Variants in DNM3 observed in about 807,000 individuals in gnomAD.
DNM3 encodes the protein dynamin-3.
Under a neutral mutation model 101.6 loss-of-function variants are expected in DNM3, and 47 were observed. That is an observed-to-expected ratio of 0.46 (90% CI 0.37 to 0.59). The LOEUF (loss-of-function observed/expected upper bound fraction) is 0.59, where lower values mean the gene tolerates loss of function less well. DNM3 is among the 20% of genes least tolerant of loss of function. DNM3 has a pLI of 0.00. For synonymous variants in DNM3, 385 were observed against 387.9 expected (o/e 0.99, Z 0.09); for missense variants, 849 against 1,085.7 (o/e 0.78, Z 3.06).
chr1:172,090,112 AT>A (rs1328083863), intron 12 of DNM3, among the ~76,000 whole-genome samples: 1 of 152,174 alleles, frequency 6.6e-6, no homozygotes, highest in African/African-American at 2.4e-5. Flanking sequence ...GTCTACAATA[AT>A]TTGTTCAAAG....
At chr1:172,191,167 T>G (rs1394648676) in intron 14 of DNM3, among the ~76,000 whole-genome samples, 1 of 152,230 alleles carries the variant, frequency 6.6e-6, no homozygotes, top group African/African-American at 2.4e-5. Context: ...ATTTAAGTCT[T>G]TTAACCATCT....
chr1:171,946,321 G>C (rs1234497570), intron 2 of DNM3, among the ~76,000 whole-genome samples: 1 of 152,114 alleles, frequency 6.6e-6, no homozygotes, highest in East Asian at 1.9e-4. Flanking sequence ...CAAAGGGGTG[G>C]TTAGAATTTG....
At chr1:172,158,541 T>G (rs1422640276) in intron 14 of DNM3, among the ~76,000 whole-genome samples, 1 of 118,722 alleles carries the variant, frequency 8.4e-6, no homozygotes, top group Non-Finnish European at 1.7e-5. Flanking sequence ...GAAACAAGGT[T>G]GAATAAATGA....
chr1:171,879,871 T>C (rs1429293508), intron 1 of DNM3, among the ~76,000 whole-genome samples: 2 of 152,224 alleles, frequency 1.3e-5, no homozygotes, highest in African/African-American at 2.4e-5. Context: ...CTGTTAGATT[T>C]GCACAAGCAA....
chr1:172,090,623 T>C (rs972716231), intron 12 of DNM3, among the ~76,000 whole-genome samples: 1 of 151,862 alleles, frequency 6.6e-6, no homozygotes, highest in Non-Finnish European at 1.5e-5. Flanking sequence ...TGGAAAAAAA[T>C]ATATACACAA....
chr1:172,088,281 A>G (rs949228368), intron 12 of DNM3, among the ~76,000 whole-genome samples: 1 of 152,198 alleles, frequency 6.6e-6, no homozygotes, highest in African/African-American at 2.4e-5. Flanking sequence ...GAGGTTTCTA[A>G]AAAGGCATAA....
At chr1:172,067,505 T>G (rs2125931229) in intron 10 of DNM3, among the ~76,000 whole-genome samples, 1 of 152,288 alleles carries the variant, frequency 6.6e-6, no homozygotes, top group East Asian at 1.9e-4. Flanking sequence ...CCTCAGTTTC[T>G]GCACGGACTT....
At chr1:172,286,085 TAC>T (rs1491015305) in intron 15 of DNM3, among the ~76,000 whole-genome samples, 2 of 150,778 alleles carry the variant, frequency 1.3e-5, no homozygotes. Context: ...TATATATATA[TAC>T]TATTATCATT....
chr1:172,045,930 T>A (rs2049756535), intron 9 of DNM3, among the ~76,000 whole-genome samples: 1 of 152,192 alleles, frequency 6.6e-6, no homozygotes, highest in Admixed American at 6.5e-5. Context: ...TTATTTGTTG[T>A]TTTAAAATTT....
At chr1:172,308,673 T>C in intron 15 of DNM3, 55 bp from the exon 16 acceptor site, 1 of 929,996 alleles carries the variant, frequency 1.1e-6, no homozygotes, top group Non-Finnish European at 1.5e-6. Context: ...CAACATAAAA[T>C]GACTTTGAAT....
chr1:172,328,658 G>A (rs2066045576), intron 17 of DNM3, among the ~76,000 whole-genome samples: 1 of 152,106 alleles, frequency 6.6e-6, no homozygotes, highest in Non-Finnish European at 1.5e-5. Flanking sequence ...TGTGAGAGGA[G>A]GGCGAGGATC....
At chr1:172,257,284 T>C (rs2062443182) in intron 15 of DNM3, among the ~76,000 whole-genome samples, 1 of 152,084 alleles carries the variant, frequency 6.6e-6, no homozygotes. Context: ...ACATTTTAGA[T>C]ACTATCTAGA....
intron 1 of DNM3, among the ~76,000 whole-genome samples, chr1:171,901,901 C>T (rs904109319): frequency 6.6e-6 from 1 of 152,152 alleles, no homozygotes; most frequent in Non-Finnish European, 1.5e-5. Context: ...AGGCTTAGTG[C>T]TTCTTACATA....
intron 11 of DNM3, among the ~76,000 whole-genome samples, chr1:172,075,767 T>G (rs997549557): frequency 2.0e-5 from 3 of 152,226 alleles, no homozygotes; most frequent in Non-Finnish European, 4.4e-5. Context: ...AGCTTTGTAC[T>G]TTTTGCCTAC....
rs16844378 is a variant in DNM3 at position 172,400,187 on chromosome 1, G to A, written c.2523-7585G>A. Reference sequence around the variant, plus strand: ...CTTCTCAGAAGCGGACACTTGCCTCGCCCAGTAGCTAGTTCTCAGCACCTC... The same window carrying A: ...CTTCTCAGAAGCGGACACTTGCCTCACCCAGTAGCTAGTTCTCAGCACCTC... On this transcript the variant is annotated intron_variant, in intron 20 of 20. Coordinates refer to ENST00000627582, the MANE Select transcript of DNM3 (RefSeq NM_015569.5). Among the ~76,000 whole-genome samples the A allele has an allele frequency of 5.6e-3, 853 of 151,774 alleles. 10 individuals carry two copies. Among genetic ancestry groups the A allele is most frequent in the African/African-American group, 0.018 (746 of 41,374 alleles).
chr1:172,155,953 A>G (rs1215376844), intron 14 of DNM3, among the ~76,000 whole-genome samples: 1 of 152,084 alleles, frequency 6.6e-6, no homozygotes, highest in Non-Finnish European at 1.5e-5. Context: ...AAGGAGCTAG[A>G]AGGCCTTGGT....
chr1:172,185,314 A>G (rs975592778), intron 14 of DNM3, among the ~76,000 whole-genome samples: 1 of 152,148 alleles, frequency 6.6e-6, no homozygotes, highest in African/African-American at 2.4e-5. Context: ...TTCCAATTTT[A>G]TTCTCTCACT....
chr1:172,377,819 T>C (rs1359797778), intron 17 of DNM3, among the ~76,000 whole-genome samples: 1 of 151,806 alleles, frequency 6.6e-6, no homozygotes, highest in Non-Finnish European at 1.5e-5. Flanking sequence ...ACAATAGACA[T>C]TTCTGAGTGA....
intron 3 of DNM3, 67 bp from the exon 4 acceptor site, chr1:171,988,878 A>G (rs2125620848): frequency 7.2e-7 from 1 of 1,384,972 alleles, no homozygotes; most frequent in Non-Finnish European, 9.8e-7. Context: ...TAAGTGACAA[A>G]TGATTCTGTA....
Sources: allele counts gnomAD v4.1 joint callset (sites outside exome capture counted in the v4.1 genomes callset), GRCh38; gene constraint gnomAD v4.1.1; transcripts MANE v1.5; gene names NCBI Gene and HGNC (gene_info 2026-07-23, HGNC 2026-07-21).